The following THRB variants were observed in gnomAD, a reference collection of about 807,000 sequenced individuals.
The protein encoded by THRB is thyroid hormone receptor beta.
In THRB, 12 loss-of-function variants were observed where a neutral mutation model predicts 47.8. That is an observed-to-expected ratio of 0.25 (90% CI 0.16 to 0.41). The LOEUF (loss-of-function observed/expected upper bound fraction) is 0.41, where lower values mean the gene tolerates loss of function less well. THRB is among the 10% of genes least tolerant of loss of function. The probability of loss-of-function intolerance (pLI) is 1.00; values close to 1 mark genes in which losing one functional copy is unlikely to be tolerated. For missense variants in THRB, 348 were observed against 589.2 expected, an observed-to-expected ratio of 0.59 and a Z score of 4.24; for synonymous variants, 218 against 212.2, an observed-to-expected ratio of 1.03 and a Z score of -0.24.
At chr3:24,287,503 C>A (rs536353239) in intron 3 of THRB, among the ~76,000 whole-genome samples, 139 of 152,264 alleles carry the variant, frequency 9.1e-4, no homozygotes, top group Middle Eastern at 3.4e-3. Context: ...TATGAGGCCA[C>A]TGTCCTTTAG....
intron 1 of THRB, among the ~76,000 whole-genome samples, chr3:24,428,445 T>A (rs910729642): frequency 1.3e-5 from 2 of 152,046 alleles, no homozygotes; most frequent in African/African-American, 4.8e-5. Context: ...TAGCCCCCAT[T>A]TGCCTTTTGG....
At chr3:24,228,297 G>C (rs1304691533) in intron 4 of THRB, among the ~76,000 whole-genome samples, 1 of 152,096 alleles carries the variant, frequency 6.6e-6, no homozygotes, top group African/African-American at 2.4e-5. Context: ...AGGTCATTCT[G>C]CCTCTCCTTT....
intron 3 of THRB, among the ~76,000 whole-genome samples, chr3:24,233,499 GAAGA>G (rs144224843): frequency 0.72 from 100,180 of 139,818 alleles, 36,115 homozygotes; most frequent in Middle Eastern, 0.84. Context: ...AAAAAGAAAG[GAAGA>G]AAGAAAGAAG....
At chr3:24,181,590 G>A (rs1406806055) in intron 5 of THRB, among the ~76,000 whole-genome samples, 1 of 152,162 alleles carries the variant, frequency 6.6e-6, no homozygotes, top group Non-Finnish European at 1.5e-5. Context: ...TTAAACCTAC[G>A]CTCAGGGTCA....
intron 1 of THRB, among the ~76,000 whole-genome samples, chr3:24,402,028 A>G (rs143315099): frequency 6.6e-6 from 1 of 152,138 alleles, no homozygotes; most frequent in East Asian, 2.0e-4. Flanking sequence ...AGCCAAGGAA[A>G]AGAAAGCAAA....
intron 3 of THRB, among the ~76,000 whole-genome samples, chr3:24,246,513 C>A (rs953627001): frequency 2.6e-5 from 4 of 151,666 alleles, no homozygotes; most frequent in Non-Finnish European, 5.9e-5. Flanking sequence ...GATTTCTATT[C>A]TCTAGCATGA....
intron 5 of THRB, among the ~76,000 whole-genome samples, chr3:24,184,708 C>T (rs2042347619): frequency 6.6e-6 from 1 of 152,042 alleles, no homozygotes; most frequent in South Asian, 2.1e-4. Context: ...GCTAAGGTTC[C>T]CAGAGTGCCC....
intron 1 of THRB, among the ~76,000 whole-genome samples, chr3:24,457,622 ATAT>A (rs1336197550): frequency 1.3e-5 from 2 of 152,230 alleles, no homozygotes; most frequent in African/African-American, 2.4e-5. Context: ...ATTGCTGAAA[ATAT>A]TATACGTTTG....
At chr3:24,361,216 T>C (rs1289883330) in intron 1 of THRB, among the ~76,000 whole-genome samples, 1 of 152,166 alleles carries the variant, frequency 6.6e-6, no homozygotes, top group African/African-American at 2.4e-5. Flanking sequence ...GGATACTCAA[T>C]ATATTTATGG....
At chr3:24,239,393 A>C (rs1236249447) in intron 3 of THRB, among the ~76,000 whole-genome samples, 1 of 152,178 alleles carries the variant, frequency 6.6e-6, no homozygotes, top group Non-Finnish European at 1.5e-5. Flanking sequence ...GGTGATTTTC[A>C]GGAATGCACC....
At chr3:24,362,225 T>G (rs2064128250) in intron 1 of THRB, among the ~76,000 whole-genome samples, 1 of 152,166 alleles carries the variant, frequency 6.6e-6, no homozygotes, top group Admixed American at 6.6e-5. Context: ...TTTCACAGTC[T>G]GCAAAGCTGT....
chr3:24,297,582 C>T (rs1324647407), intron 2 of THRB, among the ~76,000 whole-genome samples: 6 of 152,224 alleles, frequency 3.9e-5, no homozygotes, highest in Non-Finnish European at 7.3e-5. Flanking sequence ...TACGTGGCAT[C>T]CACAGGCCAG....
At chr3:24,281,051 G>A (rs2054537776) in intron 3 of THRB, among the ~76,000 whole-genome samples, 1 of 152,012 alleles carries the variant, frequency 6.6e-6, no homozygotes, top group Non-Finnish European at 1.5e-5. Flanking sequence ...AATCTAGCAA[G>A]GCAGGCCAAC....
Position 24,278,408 on chromosome 3 carries a change from G to T in THRB, c.-43+18818C>A, listed in dbSNP as rs181486950. Among the ~76,000 whole-genome samples, 58 of 152,270 alleles carry T rather than the reference G, an allele frequency of 3.8e-4. 1 individual carries two copies. The South Asian group carries it at 4.8e-3, about 13-fold the overall frequency. ...AAATCAGGCAGATTTTATTCTATTT[G>T]TGTGGTCTGCAAATGCCTGGCCCAA... On this transcript the variant is annotated intron_variant, in intron 3 of 10. Coordinates refer to ENST00000646209, the MANE Select transcript of THRB (RefSeq NM_001354712.2).
intron 9 of THRB, among the ~76,000 whole-genome samples, chr3:24,133,025 A>T (rs1425448648): frequency 6.6e-6 from 1 of 152,232 alleles, no homozygotes; most frequent in African/African-American, 2.4e-5. Flanking sequence ...CTAGGACAGC[A>T]TAGGTGCAGA....
At chr3:24,333,345 AAG>A (rs1163406439) in intron 2 of THRB, among the ~76,000 whole-genome samples, 1 of 152,246 alleles carries the variant, frequency 6.6e-6, no homozygotes, top group African/African-American at 2.4e-5. Flanking sequence ...AGAGAGAGAA[AAG>A]AAAGAAATAA....
At chr3:24,151,345 G>A (rs1037373190) in intron 6 of THRB, among the ~76,000 whole-genome samples, 1 of 152,132 alleles carries the variant, frequency 6.6e-6, no homozygotes, top group Admixed American at 6.5e-5. Flanking sequence ...GGGGCTTTAC[G>A]AGCAAGGGTA....
chr3:24,259,918 A>G (rs2051772423), intron 3 of THRB, among the ~76,000 whole-genome samples: 1 of 152,184 alleles, frequency 6.6e-6, no homozygotes. Flanking sequence ...CCCATATCAT[A>G]CAATTTACCC....
chr3:24,269,571 G>A (rs527853280), intron 3 of THRB, among the ~76,000 whole-genome samples: 6 of 151,638 alleles, frequency 4.0e-5, no homozygotes, highest in Admixed American at 3.3e-4. Context: ...GACTACAGGT[G>A]TGTGCCACTA....
Sources: gnomAD v4.1 joint callset for allele counts (sites outside exome capture counted in the v4.1 genomes callset) on GRCh38, gnomAD v4.1.1 for gene constraint, MANE v1.5 for transcripts, NCBI Gene and HGNC (gene_info 2026-07-23, HGNC 2026-07-21) for gene names.